FHIT: variants seen among roughly 807,000 people sequenced by gnomAD.
FHIT encodes bis(5'-adenosyl)-triphosphatase.
FHIT carries 19 observed loss-of-function variants against 17.9 expected under a neutral mutation model. That is an observed-to-expected ratio of 1.06 (90% CI 0.74 to 1.56). FHIT has a LOEUF of 1.56. FHIT is among the 40% of genes most tolerant of loss of function. The probability of loss-of-function intolerance (pLI) is 0.00; values close to 1 mark genes in which losing one functional copy is unlikely to be tolerated. For missense variants in FHIT, 248 were observed against 189.2 expected (o/e 1.31, Z -1.82); for synonymous variants, 81 against 69.7 (o/e 1.16, Z -0.81).
intron 3 of FHIT, among the ~76,000 whole-genome samples, chr3:60,930,263 C>G (rs1553771323): frequency 6.6e-6 from 1 of 152,134 alleles, no homozygotes; most frequent in Non-Finnish European, 1.5e-5. Context: ...CATAAAAACC[C>G]TAGAAGAAAA....
intron 4 of FHIT, among the ~76,000 whole-genome samples, chr3:60,744,271 A>AAAAAAAAAAAAAC (rs2042309928): frequency 5.8e-4 from 30 of 52,104 alleles, no homozygotes; most frequent in Non-Finnish European, 7.1e-4. Context: ...AACAAAACAA[A>AAAAAAAAAAAAAC]AAAAAAAAAA....
chr3:60,440,355 G>A (rs1188484345), intron 5 of FHIT, among the ~76,000 whole-genome samples: 1 of 151,968 alleles, frequency 6.6e-6, no homozygotes, highest in African/African-American at 2.4e-5. Context: ...TCTGGAAGAT[G>A]GTATATAAAT....
intron 4 of FHIT, among the ~76,000 whole-genome samples, chr3:60,632,603 T>A (rs7618762): frequency 2.2e-4 from 34 of 152,056 alleles, no homozygotes; most frequent in African/African-American, 8.0e-4. Flanking sequence ...GATGAAAATG[T>A]GGCCAAAAGA....
intron 1 of FHIT, among the ~76,000 whole-genome samples, chr3:61,210,591 A>G (rs1576226732): frequency 6.6e-6 from 1 of 152,198 alleles, no homozygotes; most frequent in African/African-American, 2.4e-5. Context: ...CCGTGGGCGT[A>G]GGGCCCTCCG....
chr3:59,901,245 A>T (rs1399102112), intron 8 of FHIT, among the ~76,000 whole-genome samples: 2 of 152,214 alleles, frequency 1.3e-5, no homozygotes, highest in Non-Finnish European at 2.9e-5. Flanking sequence ...ATTTGGAAAG[A>T]TTCTAGGTTT....
rs552943568 is a variant in FHIT, at chr3:60,518,688, A to G, written c.103+18172T>C. On this transcript the variant is annotated intron_variant, in intron 5 of 9. Coordinates refer to ENST00000492590, the MANE Select transcript of FHIT (RefSeq NM_002012.4). ...ATAAATTATAGTAGATCCATATGGC[A>G]CAATATTATACCATCGTTAAAAATT... Among the ~76,000 whole-genome samples the G allele has an allele frequency of 3.3e-5, 5 of 152,328 alleles. No homozygotes were observed. The East Asian group carries it at 9.7e-4, about 29-fold the overall frequency.
At chr3:60,151,230 G>A (rs1011342268) in intron 5 of FHIT, among the ~76,000 whole-genome samples, 7 of 152,060 alleles carry the variant, frequency 4.6e-5, no homozygotes, top group Non-Finnish European at 8.8e-5. Flanking sequence ...AAAAAAATAG[G>A]TTCTAAAGTC....
intron 4 of FHIT, among the ~76,000 whole-genome samples, chr3:60,602,156 A>G (rs902518793): frequency 6.6e-6 from 1 of 152,222 alleles, no homozygotes; most frequent in African/African-American, 2.4e-5. Context: ...TAAAGTGAAG[A>G]AAGAACTGAA....
At chr3:61,034,823 C>T (rs1042174481) in intron 3 of FHIT, among the ~76,000 whole-genome samples, 1 of 152,132 alleles carries the variant, frequency 6.6e-6, no homozygotes, top group Non-Finnish European at 1.5e-5. Flanking sequence ...AAAACAGGTA[C>T]CTGTGCATAC....
chr3:60,712,459 C>G (rs1458009170), intron 4 of FHIT, among the ~76,000 whole-genome samples: 3 of 151,318 alleles, frequency 2.0e-5, no homozygotes, highest in South Asian at 2.1e-4. Flanking sequence ...ACTAAATTAT[C>G]CAATTAAAAG....
chr3:60,190,124 G>T (rs1702337729), intron 5 of FHIT, among the ~76,000 whole-genome samples: 2 of 152,176 alleles, frequency 1.3e-5, no homozygotes, highest in South Asian at 4.1e-4. Flanking sequence ...AAGCCAACCA[G>T]TTAAAATACC....
intron 9 of FHIT, 62 bp downstream of exon 9, chr3:59,752,140 TGTGCATCCCCATTCTGAGA>T: frequency 2.1e-6 from 2 of 969,280 alleles, no homozygotes; most frequent in Non-Finnish European, 3.2e-6. Flanking sequence ...AAGGTGTTTT[TGTGCATCCCCATTCTGAGA>T]GTGCAGCCTC....
chr3:59,919,897 G>A (rs113371876), intron 8 of FHIT, among the ~76,000 whole-genome samples: 184 of 152,216 alleles, frequency 1.2e-3, no homozygotes, highest in African/African-American at 4.0e-3. Context: ...ATGCCTGTGC[G>A]GTACTGCATG....
chr3:61,096,600 G>C lies in FHIT; in HGVS notation c.-163-54501C>G, dbSNP rs2035646716. On this transcript the variant is annotated intron_variant, in intron 2 of 9. Coordinates refer to ENST00000492590, the MANE Select transcript of FHIT (RefSeq NM_002012.4). ...GGTAATATGGATGAACAACTGTCTG[G>C]GTTTCCTGTGGAGGAAGCCTGGGCT... Among the ~76,000 whole-genome samples the C allele has an allele frequency of 2.0e-5, 3 of 152,174 alleles. No individual in the cohort carries two copies. The South Asian group carries it at 6.2e-4, about 32-fold the overall frequency.
intron 5 of FHIT, among the ~76,000 whole-genome samples, chr3:60,100,642 A>T (rs1416328278): frequency 6.6e-6 from 1 of 152,132 alleles, no homozygotes; most frequent in African/African-American, 2.4e-5. Flanking sequence ...ACCACAAATC[A>T]CTGGGATTGC....
chr3:60,392,028 TAATA>T (rs759499394), intron 5 of FHIT, among the ~76,000 whole-genome samples: 28 of 152,138 alleles, frequency 1.8e-4, no homozygotes, highest in Non-Finnish European at 3.4e-4. Flanking sequence ...AGAGATTACT[TAATA>T]TTTATCACAT....
intron 3 of FHIT, among the ~76,000 whole-genome samples, chr3:60,987,957 C>T (rs74633781): frequency 0.017 from 2,645 of 152,218 alleles, 83 homozygotes; most frequent in African/African-American, 0.06. Context: ...CTTTTCCATC[C>T]GGATTCTAAA....
At chr3:60,976,404 G>A (rs553069609) in intron 3 of FHIT, among the ~76,000 whole-genome samples, 1 of 152,126 alleles carries the variant, frequency 6.6e-6, no homozygotes, top group South Asian at 2.1e-4. Context: ...ACCACACCCG[G>A]CCTCAGAACA....
At chr3:60,527,041 G>C (rs1412312356) in intron 5 of FHIT, among the ~76,000 whole-genome samples, 2 of 152,198 alleles carry the variant, frequency 1.3e-5, no homozygotes, top group African/African-American at 4.8e-5. Flanking sequence ...TCTCAGTAAT[G>C]TGGATGTGGG....
Sources: allele counts gnomAD v4.1 joint callset (sites outside exome capture counted in the v4.1 genomes callset), GRCh38; gene constraint gnomAD v4.1.1; transcripts MANE v1.5; gene names NCBI Gene and HGNC (gene_info 2026-07-23, HGNC 2026-07-21).